SPAG16: variants seen among roughly 807,000 people sequenced by gnomAD.
SPAG16 encodes sperm-associated antigen 16 protein.
In SPAG16, 86 loss-of-function variants were observed where a neutral mutation model predicts 80.4. The observed-to-expected ratio is 1.07, with a 90% confidence interval of 0.90 to 1.28. The LOEUF (loss-of-function observed/expected upper bound fraction) is 1.28, where lower values mean the gene tolerates loss of function less well. Among genes scored for constraint, SPAG16 ranks in the 50% most tolerant of loss-of-function variants. SPAG16 has a pLI of 0.00. For missense variants in SPAG16, 870 were observed against 765.3 expected (o/e 1.14, Z -1.61); for synonymous variants, 294 against 265.9 (o/e 1.11, Z -1.03).
chr2:214,285,130 A>G (rs911990033), intron 15 of SPAG16, among the ~76,000 whole-genome samples: 2 of 152,126 alleles, frequency 1.3e-5, no homozygotes, highest in African/African-American at 4.8e-5. Context: ...ATTCTTGCCA[A>G]TATGTATCTT....
chr2:213,535,566 C>A (rs2076214510), intron 10 of SPAG16, among the ~76,000 whole-genome samples: 1 of 152,064 alleles, frequency 6.6e-6, no homozygotes, highest in Admixed American at 6.6e-5. Flanking sequence ...TTATTGAAAT[C>A]ATACCTTAAA....
At chr2:214,314,989 A>G (rs1402827984) in intron 15 of SPAG16, among the ~76,000 whole-genome samples, 1 of 152,044 alleles carries the variant, frequency 6.6e-6, no homozygotes, top group Non-Finnish European at 1.5e-5. Context: ...TTGGAAAAAT[A>G]TGAGAGAATT....
chr2:213,464,369 C>G (rs918389131), intron 9 of SPAG16, among the ~76,000 whole-genome samples: 2 of 152,198 alleles, frequency 1.3e-5, no homozygotes, highest in African/African-American at 4.8e-5. Context: ...GGAATGTGGT[C>G]TCCAAGCACC....
chr2:214,324,803 G>C (rs1696355912), intron 15 of SPAG16, among the ~76,000 whole-genome samples: 1 of 145,498 alleles, frequency 6.9e-6, no homozygotes, highest in South Asian at 2.3e-4. Flanking sequence ...GGATTTTTAT[G>C]GGTCATTTGA....
intron 15 of SPAG16, among the ~76,000 whole-genome samples, chr2:214,150,291 A>G (rs1012790991): frequency 3.9e-5 from 6 of 152,096 alleles, no homozygotes; most frequent in African/African-American, 1.4e-4. Context: ...AGAAAATGGT[A>G]AGTTTGTCTT....
At chr2:213,306,280 A>G (rs2126101969) in intron 3 of SPAG16, among the ~76,000 whole-genome samples, 1 of 133,954 alleles carries the variant, frequency 7.5e-6, no homozygotes, top group East Asian at 2.3e-4. Flanking sequence ...TTTTGAAAAA[A>G]CCAACATTTG....
chr2:213,996,452 T>G (rs2046518103), intron 12 of SPAG16, among the ~76,000 whole-genome samples: 1 of 152,144 alleles, frequency 6.6e-6, no homozygotes, highest in African/African-American at 2.4e-5. Flanking sequence ...AAAGTCAGAA[T>G]GTAGCCACTG....
At chr2:213,717,216 G>A (rs2066277863) in intron 10 of SPAG16, among the ~76,000 whole-genome samples, 1 of 148,908 alleles carries the variant, frequency 6.7e-6, no homozygotes, top group Admixed American at 6.7e-5. Flanking sequence ...GCGCAGTGGT[G>A]CCTGCCATCT....
intron 10 of SPAG16, among the ~76,000 whole-genome samples, chr2:213,845,191 CTAGTGTTCTT>C (rs1309978111): frequency 4.1e-5 from 5 of 123,144 alleles, no homozygotes; most frequent in Non-Finnish European, 8.1e-5. Context: ...TTTTATATAT[CTAGTGTTCTT>C]TTTTTTTTTT....
chr2:213,482,418 G>A (rs926953942), intron 9 of SPAG16, among the ~76,000 whole-genome samples: 1 of 152,154 alleles, frequency 6.6e-6, no homozygotes, highest in Non-Finnish European at 1.5e-5. Flanking sequence ...TTAAGGAAAT[G>A]TCAGCAGCAA....
chr2:213,589,921 CA>C (rs35341781), intron 10 of SPAG16, among the ~76,000 whole-genome samples: 74,643 of 138,600 alleles, frequency 0.54, 20,141 homozygotes, highest in Middle Eastern at 0.69. Context: ...AACTCCATCT[CA>C]AAAAAAAAAA....
intron 10 of SPAG16, among the ~76,000 whole-genome samples, chr2:213,577,162 A>G (rs2060155067): frequency 6.6e-6 from 1 of 152,152 alleles, no homozygotes; most frequent in South Asian, 2.1e-4. Context: ...ATTTTAATAG[A>G]GGAATCAACA....
intron 15 of SPAG16, among the ~76,000 whole-genome samples, chr2:214,259,394 A>G (rs1184206602): frequency 2.7e-5 from 4 of 150,164 alleles, no homozygotes; most frequent in Non-Finnish European, 5.9e-5. Context: ...GTGTATATCT[A>G]CACTATATAA....
chr2:214,373,198 G>A (rs992869803), intron 15 of SPAG16, among the ~76,000 whole-genome samples: 3 of 152,056 alleles, frequency 2.0e-5, no homozygotes, highest in African/African-American at 7.2e-5. Context: ...TAATACTGAG[G>A]AATTTGTTTG....
chr2:213,681,249 T>C (rs1225640022), intron 10 of SPAG16, among the ~76,000 whole-genome samples: 2 of 152,194 alleles, frequency 1.3e-5, no homozygotes, highest in African/African-American at 4.8e-5. Flanking sequence ...TAAATATTTT[T>C]TCCTTGTCTT....
chr2:213,929,569 G>A (rs957092124), intron 11 of SPAG16, among the ~76,000 whole-genome samples: 3 of 152,058 alleles, frequency 2.0e-5, no homozygotes, highest in African/African-American at 4.8e-5. Flanking sequence ...GTTTCATATT[G>A]TATTATGTTT....
intron 9 of SPAG16, among the ~76,000 whole-genome samples, chr2:213,406,918 C>G (rs2068637367): frequency 6.9e-6 from 1 of 144,984 alleles, no homozygotes; most frequent in African/African-American, 2.6e-5. Context: ...ATAACCCGAG[C>G]TCTCAGCGAC....
chr2:214,226,506 C>A (rs1034470443), intron 15 of SPAG16, among the ~76,000 whole-genome samples: 1 of 152,042 alleles, frequency 6.6e-6, no homozygotes, highest in African/African-American at 2.4e-5. Flanking sequence ...ATCATTACAA[C>A]CATCATATCT....
chr2:214,064,476 A>C (rs2050435762), intron 13 of SPAG16, among the ~76,000 whole-genome samples: 2 of 152,120 alleles, frequency 1.3e-5, no homozygotes, highest in Admixed American at 1.3e-4. Context: ...GTATTTTTCC[A>C]GAAATATTCG....
Sources: gnomAD v4.1 joint callset for allele counts (sites outside exome capture counted in the v4.1 genomes callset) on GRCh38, gnomAD v4.1.1 for gene constraint, MANE v1.5 for transcripts, NCBI Gene and HGNC (gene_info 2026-07-23, HGNC 2026-07-21) for gene names.